The following KAZN variants were observed in gnomAD, a reference collection of about 807,000 sequenced individuals.
The protein encoded by KAZN is kazrin, periplakin interacting protein.
A neutral mutation model predicts 87.4 loss-of-function variants in KAZN; 40 were observed. The ratio of observed to expected loss-of-function variants is 0.46; its 90% CI spans 0.36 to 0.60. The LOEUF is 0.60. Ranked by LOEUF, KAZN falls within the 20% of genes least tolerant of loss-of-function variation. The probability of loss-of-function intolerance (pLI) is 0.00; values close to 1 mark genes in which losing one functional copy is unlikely to be tolerated. For missense variants in KAZN, 898 were observed against 1,073.9 expected (o/e 0.84, Z 2.29); for synonymous variants, 466 against 458.3 (o/e 1.02, Z -0.22).
intron 1 of KAZN, among the ~76,000 whole-genome samples, chr1:14,760,810 C>G (rs1483924403): frequency 6.6e-6 from 1 of 152,154 alleles, no homozygotes; most frequent in East Asian, 1.9e-4. Flanking sequence ...AAAACCCAAA[C>G]TTCCTAACAA....
chr1:14,209,408 A>G (rs1646809273), intron 2 of KAZN, among the ~76,000 whole-genome samples: 1 of 152,208 alleles, frequency 6.6e-6, no homozygotes. Context: ...TTTTTCCAGC[A>G]TACCCCATCT....
intron 1 of KAZN, among the ~76,000 whole-genome samples, chr1:14,745,657 G>A (rs1644243999): frequency 6.6e-6 from 1 of 152,066 alleles, no homozygotes. Flanking sequence ...GTTGGTTGGG[G>A]GAAAACAGTG....
chr1:15,083,352 A>G (rs1640096688), intron 8 of KAZN, among the ~76,000 whole-genome samples: 1 of 152,220 alleles, frequency 6.6e-6, no homozygotes, highest in Admixed American at 6.5e-5. Flanking sequence ...ACACTGGTGA[A>G]TGGTGCACTG....
At chr1:14,029,067 T>C (rs1171527692) in intron 1 of KAZN, among the ~76,000 whole-genome samples, 1 of 149,202 alleles carries the variant, frequency 6.7e-6, no homozygotes, top group Non-Finnish European at 1.5e-5. Context: ...CCACAATGGT[T>C]GAACTAGTTT....
chr1:14,523,120 G>A (rs1036277455), intron 2 of KAZN, among the ~76,000 whole-genome samples: 1 of 152,196 alleles, frequency 6.6e-6, no homozygotes, highest in Admixed American at 6.5e-5. Context: ...AGGCATGGAG[G>A]CTTCAGGATC....
chr1:15,076,128 CTG>C (rs1639732443), intron 8 of KAZN, among the ~76,000 whole-genome samples: 1 of 152,192 alleles, frequency 6.6e-6, no homozygotes, highest in Non-Finnish European at 1.5e-5. Context: ...ACAGCTGTCA[CTG>C]TGGGCACCAG....
intron 2 of KAZN, among the ~76,000 whole-genome samples, chr1:14,364,342 G>A (rs999958180): frequency 1.3e-5 from 2 of 152,120 alleles, no homozygotes; most frequent in African/African-American, 4.8e-5. Flanking sequence ...CTGCAAAATG[G>A]GGGTAATTAT....
At chr1:14,683,806 A>G (rs1640811719) in intron 1 of KAZN, among the ~76,000 whole-genome samples, 1 of 152,192 alleles carries the variant, frequency 6.6e-6, no homozygotes, top group African/African-American at 2.4e-5. Flanking sequence ...CTGTATCCTC[A>G]GCATTGCTGA....
At chr1:14,069,996 C>CT (rs1017854575) in intron 1 of KAZN, among the ~76,000 whole-genome samples, 5 of 151,934 alleles carry the variant, frequency 3.3e-5, no homozygotes, top group Admixed American at 1.3e-4. Flanking sequence ...GGGTGAAACT[C>CT]TGTCTCTACT....
chr1:14,920,181 G>T (rs1272023602), intron 1 of KAZN, among the ~76,000 whole-genome samples: 1 of 151,016 alleles, frequency 6.6e-6, no homozygotes. Context: ...AATTTATCTT[G>T]TAGTCTTCTC....
At chr1:14,877,710 G>T (rs372772725) in intron 1 of KAZN, among the ~76,000 whole-genome samples, 84 of 152,268 alleles carry the variant, frequency 5.5e-4, no homozygotes, top group African/African-American at 1.6e-3. Flanking sequence ...TGTAATAATA[G>T]TGCCTACTGC....
intron 2 of KAZN, among the ~76,000 whole-genome samples, chr1:14,575,131 A>T (rs140008080): frequency 6.6e-6 from 1 of 152,180 alleles, no homozygotes; most frequent in African/African-American, 2.4e-5. Flanking sequence ...TTCAGCAGAA[A>T]GACCTGATTA....
chr1:14,593,156 A>G (rs1676301446), intron 2 of KAZN, among the ~76,000 whole-genome samples: 1 of 152,236 alleles, frequency 6.6e-6, no homozygotes, highest in African/African-American at 2.4e-5. Flanking sequence ...CAAGAATAAA[A>G]TAAGAGAACT....
chr1:13,920,032 A>T (rs953525499), intron 1 of KAZN, among the ~76,000 whole-genome samples: 2 of 152,098 alleles, frequency 1.3e-5, no homozygotes, highest in Non-Finnish European at 2.9e-5. Context: ...TGGGTGGATC[A>T]CAAGGTCAGG....
chr1:14,521,487 A>C (rs1671586029), intron 2 of KAZN, among the ~76,000 whole-genome samples: 1 of 152,210 alleles, frequency 6.6e-6, no homozygotes, highest in African/African-American at 2.4e-5. Context: ...CTTTCTGTGA[A>C]ATGTGAACCC....
chr1:14,811,481 G>A (rs1475289548), intron 1 of KAZN, among the ~76,000 whole-genome samples: 6 of 152,184 alleles, frequency 3.9e-5, no homozygotes, highest in Non-Finnish European at 7.3e-5. Flanking sequence ...GTGCAACATC[G>A]AATAGTAGAT....
chr1:14,290,473 A>G (rs1426624845), intron 2 of KAZN, among the ~76,000 whole-genome samples: 2 of 152,118 alleles, frequency 1.3e-5, no homozygotes, highest in East Asian at 1.9e-4. Context: ...CGAATTGGCT[A>G]TTGAAGCTTG....
intron 1 of KAZN, among the ~76,000 whole-genome samples, chr1:14,641,857 C>T (rs181973424): frequency 3.9e-5 from 6 of 152,324 alleles, no homozygotes; most frequent in Admixed American, 1.3e-4. Flanking sequence ...CTGCAAGAAA[C>T]ACTGGTAAGA....
intron 2 of KAZN, among the ~76,000 whole-genome samples, chr1:14,454,381 T>C (rs1265891294): frequency 6.6e-6 from 1 of 152,208 alleles, no homozygotes; most frequent in African/African-American, 2.4e-5. Flanking sequence ...GTGCTGAGAG[T>C]ATCATCTTTA....
Sources: gnomAD v4.1 joint callset for allele counts (sites outside exome capture counted in the v4.1 genomes callset) on GRCh38, gnomAD v4.1.1 for gene constraint, MANE v1.5 for transcripts, NCBI Gene and HGNC (gene_info 2026-07-23, HGNC 2026-07-21) for gene names.